Variants in DOCK2 observed in about 807,000 individuals in gnomAD.
DOCK2 encodes dedicator of cytokinesis 2.
Under a neutral mutation model 248.9 loss-of-function variants are expected in DOCK2, and 87 were observed. That is an observed-to-expected ratio of 0.35 (90% CI 0.29 to 0.42). The LOEUF (loss-of-function observed/expected upper bound fraction) is 0.42. DOCK2 is among the 10% of genes least tolerant of loss of function. The pLI, the probability that DOCK2 is intolerant of heterozygous loss-of-function variation, is 1.00. For synonymous variants in DOCK2, 805 were observed against 821.6 expected, an observed-to-expected ratio of 0.98 and a Z score of 0.35; for missense variants, 1,747 against 2,300.2, an observed-to-expected ratio of 0.76 and a Z score of 4.92.
At chr5:169,707,738 C>A (rs1183670676) in intron 14 of DOCK2, among the ~76,000 whole-genome samples, 2 of 152,206 alleles carry the variant, frequency 1.3e-5, no homozygotes, top group Non-Finnish European at 2.9e-5. Flanking sequence ...GCCCACCGCC[C>A]TGACGTGTTA....
chr5:169,876,057 C>T (rs546513807), intron 27 of DOCK2, among the ~76,000 whole-genome samples: 2 of 152,328 alleles, frequency 1.3e-5, no homozygotes, highest in Admixed American at 1.3e-4. Flanking sequence ...CCCTTGCCTT[C>T]TCTCACTTTT....
At position 169,828,303 on chromosome 5, in the gene DOCK2, T is replaced by G. The variant is rs188910666; in HGVS notation, c.2704-12454T>G. ...AAAACCTCCCTTTGCTAGTAGTTTT[T>G]CTAAAGTTTCTGGTAGAATTAATCC... is the stretch of plus-strand genomic sequence containing the variant. On this transcript the variant is annotated intron_variant, in intron 26 of 51. Transcript: ENST00000520908. 6.8e-3 allele frequency among the ~76,000 whole-genome samples: 1,036 copies of G among 152,304 alleles called. 14 individuals carry two copies. Among genetic ancestry groups the G allele is most frequent in the Non-Finnish European group, 0.01 (684 of 68,016 alleles).
At position 170,027,894 on chromosome 5, in the gene DOCK2, A is replaced by G; in HGVS notation, c.3413A>G (p.His1138Arg). 1 of 1,613,334 alleles carries G rather than the reference A, an allele frequency of 6.2e-7. No individual in the cohort carries two copies. Among genetic ancestry groups the G allele is most frequent in the Non-Finnish European group, 8.5e-7 (1 of 1,179,546 alleles). Residue 1138 changes from histidine (H) to arginine (R), a missense_variant, in exon 34 of 52, where the codon CAC becomes CGC. His to Arg is a conservative substitution (Grantham distance 29). Transcript: ENST00000520908. ...AACGAAATCATCCTGAAGCTGGACC[A>G]CGAGGTAGAAGGGGGCCGAGGCGAC... Reference protein sequence around the residue: ...FENEIILKLDHEVEGGRGDEQ... With the variant: ...FENEIILKLDREVEGGRGDEQ...
chr5:169,926,608 G>C (rs1470928687), intron 27 of DOCK2, among the ~76,000 whole-genome samples: 1 of 152,192 alleles, frequency 6.6e-6, no homozygotes, highest in Non-Finnish European at 1.5e-5. Context: ...ACAGAATAGG[G>C]TTTAAGCAAA....
chr5:169,949,293 G>A (rs770187113), intron 27 of DOCK2, among the ~76,000 whole-genome samples: 1 of 152,144 alleles, frequency 6.6e-6, no homozygotes, highest in Non-Finnish European at 1.5e-5. Flanking sequence ...TACTTCCCAG[G>A]AGGGAGATCA....
At chr5:169,673,317 T>G (rs1000985892) in intron 5 of DOCK2, among the ~76,000 whole-genome samples, 1 of 152,026 alleles carries the variant, frequency 6.6e-6, no homozygotes, top group African/African-American at 2.4e-5. Flanking sequence ...AAATACATTC[T>G]TATCACTCTG....
In DOCK2 at chr5:169,864,536, T is replaced by A. The variant is rs1463607758; in HGVS notation, c.2799+23684T>A. On this transcript the variant is annotated intron_variant, in intron 27 of 51. Transcript: ENST00000520908. Reference sequence around the variant, plus strand: ...TGATTAAGCATCTCTCAGCCCCAACTAATATGGAAGAGCATGAGCTTTGGG... The same window carrying A: ...TGATTAAGCATCTCTCAGCCCCAACAAATATGGAAGAGCATGAGCTTTGGG... 7.0e-6 allele frequency: 8 copies of A among 1,143,112 alleles called. No individual in the cohort carries two copies. The East Asian group carries it at 2.1e-4, about 30-fold the overall frequency. 70.8% of individuals were successfully genotyped at this position (1,143,112 alleles called of 1,614,324 possible).
chr5:169,933,873 C>T (rs1045816145), intron 27 of DOCK2, among the ~76,000 whole-genome samples: 4 of 152,168 alleles, frequency 2.6e-5, no homozygotes, highest in Non-Finnish European at 4.4e-5. Context: ...ATGAACAGAG[C>T]GTGCTCCAGG....
At chr5:169,991,370 C>A (rs1234511261) in intron 29 of DOCK2, among the ~76,000 whole-genome samples, 1 of 152,208 alleles carries the variant, frequency 6.6e-6, no homozygotes, top group African/African-American at 2.4e-5. Context: ...CCTCTTTCTG[C>A]CAGCTTCTTC....
intron 26 of DOCK2, among the ~76,000 whole-genome samples, chr5:169,806,219 GTTTTTTTTTT>G (rs36108162): frequency 8.2e-6 from 1 of 122,586 alleles, no homozygotes; most frequent in Non-Finnish European, 1.6e-5. Context: ...CACCTCGAGA[GTTTTTTTTTT>G]TTTTTTTTTG....
At chr5:169,681,427 A>ATT (rs35535700) in intron 6 of DOCK2, among the ~76,000 whole-genome samples, 6,577 of 138,084 alleles carry the variant, frequency 0.048, 477 homozygotes, top group African/African-American at 0.16. Context: ...CCCAGCTAAC[A>ATT]TTTTTTTTTT....
intron 33 of DOCK2, 84 bp from the exon 34 acceptor site, chr5:170,027,779 A>G: frequency 7.5e-7 from 1 of 1,324,608 alleles, no homozygotes; most frequent in Admixed American, 1.9e-5. Flanking sequence ...TGCTCCCTAA[A>G]GCTTTGGTTG....
intron 25 of DOCK2, among the ~76,000 whole-genome samples, chr5:169,773,449 CGTGT>C (rs35693648): frequency 1.2e-4 from 18 of 150,424 alleles, no homozygotes; most frequent in African/African-American, 4.1e-4. Flanking sequence ...ATAAACTCTT[CGTGT>C]GTGTGTGTGT....
In DOCK2 at chr5:169,746,167, GA is replaced by G. The variant is rs542899792; in HGVS notation, c.2268-1228del. ...ACAGAGAGTGACTAAGACAGAAAGA[GA>G]GTGATGAAGTCAGGGGGAGGGTGGG... is the stretch of plus-strand genomic sequence containing the variant. On this transcript the variant is annotated intron_variant, in intron 22 of 51. Coordinates refer to ENST00000520908, the MANE Select transcript of DOCK2 (RefSeq NM_004946.3). 1.6e-3 allele frequency among the ~76,000 whole-genome samples: 244 copies of G among 152,262 alleles called. 3 individuals carry two copies. The highest frequency in any genetic ancestry group is 3.0e-3 in the Non-Finnish European group (205 of 68,020).
intron 26 of DOCK2, among the ~76,000 whole-genome samples, chr5:169,811,213 G>A (rs997353251): frequency 2.6e-5 from 4 of 152,252 alleles, no homozygotes; most frequent in South Asian, 2.1e-4. Context: ...GCCTGTCTAC[G>A]CTTGGGCGCC....
At position 169,702,524 on chromosome 5, in the gene DOCK2, T is replaced by G. The variant is rs749859732; in HGVS notation, c.1383+97T>G. 5.8e-6 allele frequency: 9 copies of G among 1,553,244 alleles called. No homozygotes were observed. The East Asian group carries it at 1.8e-4, about 32-fold the overall frequency. On this transcript the variant is annotated intron_variant, in intron 14 of 51. Coordinates refer to ENST00000520908, the MANE Select transcript of DOCK2 (RefSeq NM_004946.3). Reference sequence around the variant, plus strand: ...CCTCTCCCTGATTCTGTTGTCTAAATGCCAGGTGCCTTTGGGATGGTGTTG... The same window carrying G: ...CCTCTCCCTGATTCTGTTGTCTAAAGGCCAGGTGCCTTTGGGATGGTGTTG...
At chr5:169,903,309 A>G (rs1774052681) in intron 27 of DOCK2, among the ~76,000 whole-genome samples, 1 of 98,922 alleles carries the variant, frequency 1.0e-5, no homozygotes, top group Admixed American at 1.2e-4. Context: ...CAACAACAAC[A>G]ATAAAAAAAA....
rs562638851 is a variant in DOCK2, at chr5:169,641,033, G to A, written c.43+3664G>A. On this transcript the variant is annotated intron_variant, in intron 1 of 51. Transcript: ENST00000520908. ...TGCCAGTGGTTTGCTGGCAATCCTCGGCATTCCTTGGCTTACAAAAGCGTT... is the reference window on the plus strand; with the variant it reads ...TGCCAGTGGTTTGCTGGCAATCCTCAGCATTCCTTGGCTTACAAAAGCGTT... Among the ~76,000 whole-genome samples the A allele has an allele frequency of 1.2e-3, 179 of 152,306 alleles. 1 individual carries two copies. The highest frequency in any genetic ancestry group is 1.1e-3 in the Non-Finnish European group (78 of 68,028).
At chr5:169,972,574 T>C (rs1777550008) in intron 27 of DOCK2, among the ~76,000 whole-genome samples, 1 of 66,150 alleles carries the variant, frequency 1.5e-5, no homozygotes, top group Admixed American at 1.8e-4. Context: ...GATAGATAGA[T>C]AGATAGATAG....
Sources: gnomAD v4.1 joint callset for allele counts (sites outside exome capture counted in the v4.1 genomes callset) on GRCh38, gnomAD v4.1.1 for gene constraint, MANE v1.5 for transcripts, NCBI Gene and HGNC (gene_info 2026-07-23, HGNC 2026-07-21) for gene names.